EXOSC10: variants seen among roughly 807,000 people sequenced by gnomAD.
The protein encoded by EXOSC10 is exosome component 10.
A neutral mutation model predicts 126.6 loss-of-function variants in EXOSC10; 94 were observed. The observed-to-expected ratio is 0.74, with a 90% CI of 0.63 to 0.88. EXOSC10 has a LOEUF of 0.88. Among genes scored for constraint, EXOSC10 ranks in the 40% least tolerant of loss-of-function variants. EXOSC10 has a pLI of 0.00. For missense variants in EXOSC10, 1,041 were observed against 1,100.5 expected (o/e 0.95, Z 0.77); for synonymous variants, 395 against 400.8 (o/e 0.99, Z 0.17).
intron 1 of EXOSC10, among the ~76,000 whole-genome samples, chr1:11,099,421 C>G (rs529311912): frequency 4.6e-5 from 7 of 152,314 alleles, no homozygotes; most frequent in African/African-American, 1.7e-4. Flanking sequence ...GCGTGGCGAG[C>G]GCGACGTCGC....
At chr1:11,090,465 T>C (rs566268917) in intron 6 of EXOSC10, 89 bp downstream of exon 6, 121 of 1,028,816 alleles carry the variant, frequency 1.2e-4, no homozygotes, top group Non-Finnish European at 1.7e-4. Flanking sequence ...ACTCCTCAGA[T>C]TGTTTTCATG....
intron 14 of EXOSC10, among the ~76,000 whole-genome samples, chr1:11,078,504 G>C (rs182206686): frequency 1.3e-5 from 2 of 151,798 alleles, no homozygotes; most frequent in Non-Finnish European, 2.9e-5. Flanking sequence ...TGATCCGCCC[G>C]CCTCGGCCTC....
chr1:11,095,902 G>A, intron 2 of EXOSC10, 21 bp from the exon 3 acceptor site: 1 of 1,606,272 alleles, frequency 6.2e-7, no homozygotes, highest in East Asian at 2.2e-5. Context: ...GAAAACCAAG[G>A]TTAGCTTGTA....
Position 11,091,511 on chromosome 1 carries a change from C to T in EXOSC10, c.459G>A (p.Val153=). 6.2e-7 allele frequency: 1 copy of T among 1,614,076 alleles called. No homozygotes were observed. Residue 153 remains valine (V), a synonymous_variant, in exon 4 of 25, where the codon GTG becomes GTA. Transcript: ENST00000376936. ...CCCTCACCTTACGGTTCCAGCTGGA[C>T]ACTACCGTTTTGGGGACCTGCAAGC... ...PAGLQVPKTV[V]SSWNRKAAEY...
At chr1:11,096,403 G>T (rs184697599) in intron 2 of EXOSC10, among the ~76,000 whole-genome samples, 1 of 151,006 alleles carries the variant, frequency 6.6e-6, no homozygotes, top group Non-Finnish European at 1.5e-5. Context: ...CACCTGCCTC[G>T]GCCTCCCAAA....
Position 11,079,886 on chromosome 1 carries a change from A to G in EXOSC10, c.1638-64T>C. On this transcript the variant is annotated intron_variant, in intron 13 of 24. Coordinates refer to ENST00000376936, the MANE Select transcript of EXOSC10 (RefSeq NM_001001998.3). Reference sequence around the variant, plus strand: ...AAACGCAGCCCTTAAAGGCTTCCAGATAAGAATAATGACTGGGTAAAGCCA... The same window carrying G: ...AAACGCAGCCCTTAAAGGCTTCCAGGTAAGAATAATGACTGGGTAAAGCCA... The G allele has an allele frequency of 7.8e-6, 10 of 1,286,590 alleles. No homozygotes were observed. The East Asian group carries it at 1.3e-4, about 16-fold the overall frequency. 79.7% of individuals were successfully genotyped at this position (1,286,590 alleles called of 1,614,324 possible).
chr1:11,089,730 C>G (rs1187996556), intron 6 of EXOSC10, among the ~76,000 whole-genome samples: 1 of 151,932 alleles, frequency 6.6e-6, no homozygotes, highest in Non-Finnish European at 1.5e-5. Flanking sequence ...TTTGGGAGGG[C>G]AGGTTGGGAG....
At chr1:11,092,210 C>T (rs1640843406) in intron 3 of EXOSC10, among the ~76,000 whole-genome samples, 1 of 152,104 alleles carries the variant, frequency 6.6e-6, no homozygotes, top group Non-Finnish European at 1.5e-5. Flanking sequence ...AGTACACTTA[C>T]CACCTGTTTT....
intron 3 of EXOSC10, among the ~76,000 whole-genome samples, chr1:11,095,165 T>TCGC (rs1641005009): frequency 7.3e-6 from 1 of 136,098 alleles, no homozygotes; most frequent in East Asian, 2.2e-4. Flanking sequence ...TGAACCAACA[T>TCGC]CGCCCCACTG....
At position 11,091,195 on chromosome 1, in the gene EXOSC10, A is replaced by G. The variant is rs1432810805; in HGVS notation, c.478-16T>C. 3.1e-6 allele frequency: 5 copies of G among 1,606,090 alleles called. No homozygotes were observed. The South Asian group carries it at 5.6e-5, about 18-fold the overall frequency. On this transcript the variant is annotated splice_polypyrimidine_tract_variant and intron_variant, in intron 4 of 24. Coordinates refer to ENST00000376936, the MANE Select transcript of EXOSC10 (RefSeq NM_001001998.3). ...ATTCTGCTGCCTATGATCAATGAAT[A>G]CAAATACTTTATAACACAGCAACTT...
intron 13 of EXOSC10, 68 bp from the exon 14 acceptor site, chr1:11,079,890 GAAT>G: frequency 4.0e-6 from 5 of 1,252,468 alleles, no homozygotes; most frequent in Non-Finnish European, 3.4e-6. Context: ...TTCCAGATAA[GAAT>G]AATGACTGGG....
At chr1:11,078,275 T>TTTTTTTTTTTA (rs1303280830) in intron 14 of EXOSC10, among the ~76,000 whole-genome samples, 1 of 150,946 alleles carries the variant, frequency 6.6e-6, no homozygotes, top group African/African-American at 2.5e-5. Context: ...TTTTTTTTTT[T>TTTTTTTTTTTA]GAGACGGAGT....
intron 23 of EXOSC10, chr1:11,068,358 A>G (rs1639237937): frequency 1.4e-5 from 8 of 589,506 alleles, no homozygotes. Context: ...CGAGGGGTGA[A>G]TGCAGGCTTG....
chr1:11,089,935 C>G (rs1033032222), intron 6 of EXOSC10, among the ~76,000 whole-genome samples: 1 of 152,008 alleles, frequency 6.6e-6, no homozygotes, highest in African/African-American at 2.4e-5. Context: ...CAGAGCAAGA[C>G]CCTGTCTCAA....
At chr1:11,099,640 G>C in intron 1 of EXOSC10, 81 bp downstream of exon 1, 2 of 1,412,572 alleles carry the variant, frequency 1.4e-6, no homozygotes, top group Non-Finnish European at 1.9e-6. Context: ...ACGGCGGGCG[G>C]GCATTGGCTG....
chr1:11,089,996 C>CT (rs70977545), intron 6 of EXOSC10, among the ~76,000 whole-genome samples: 138 of 106,454 alleles, frequency 1.3e-3, no homozygotes, highest in Admixed American at 1.7e-3. Flanking sequence ...GCTTTTACAT[C>CT]TTTTTTTTTT....
chr1:11,068,970 G>A (rs1416358240), intron 22 of EXOSC10: 2 of 524,100 alleles, frequency 3.8e-6, no homozygotes, highest in South Asian at 2.3e-5. Flanking sequence ...AGTGGCCCCC[G>A]CACATAAGGA....
intron 23 of EXOSC10, 92 bp from the exon 24 acceptor site, chr1:11,068,176 T>C: frequency 3.1e-6 from 3 of 979,192 alleles, no homozygotes; most frequent in Non-Finnish European, 4.9e-6. Flanking sequence ...CCAAAGATTC[T>C]AGCAGCACAG....
Position 11,087,819 on chromosome 1 carries a change from T to A in EXOSC10, c.926A>T (p.Glu309Val). The A allele has an allele frequency of 6.2e-7, 1 of 1,612,598 alleles. No individual in the cohort carries two copies. The stretch of plus-strand genomic sequence containing the variant: ...AGATACCTCCAAGTCAACTGCAAAT[T>A]CCTGACAATTCAAGAGCTTTTCGTT... Reference protein sequence around the residue: ...ELNEKLLNCQEFAVDLEHHSY... With the variant: ...ELNEKLLNCQVFAVDLEHHSY... The change falls in exon 8 of 25, where the codon GAA becomes GTA. Residue 309 changes from glutamate to valine, a missense_variant. Around this residue, in one of 3 missense-constraint regions of EXOSC10, gnomAD observed 645 missense variants for 656.3 expected, o/e 0.98. Coordinates refer to ENST00000376936, the MANE Select transcript of EXOSC10 (RefSeq NM_001001998.3).
Sources: allele counts gnomAD v4.1 joint callset (sites outside exome capture counted in the v4.1 genomes callset), GRCh38; gene constraint gnomAD v4.1.1; regional missense constraint gnomAD v4.1.1; transcripts MANE v1.5; gene names NCBI Gene and HGNC (gene_info 2026-07-23, HGNC 2026-07-21).